EBF3: variants seen among roughly 807,000 people sequenced by gnomAD.
The protein encoded by EBF3 is EBF transcription factor 3.
In EBF3, 18 loss-of-function variants were observed where a neutral mutation model predicts 77.1. The observed-to-expected ratio is 0.23, with a 90% CI of 0.16 to 0.35. The LOEUF (loss-of-function observed/expected upper bound fraction) is 0.35. Ranked by LOEUF, EBF3 falls within the 10% of genes least tolerant of loss-of-function variation. EBF3 has a pLI of 1.00. For missense variants in EBF3, 558 were observed against 860.0 expected, an observed-to-expected ratio of 0.65 and a Z score of 4.39; for synonymous variants, 350 against 343.5, an observed-to-expected ratio of 1.02 and a Z score of -0.21.
chr10:129,876,638 T>G (rs1426820486), intron 7 of EBF3, among the ~76,000 whole-genome samples: 1 of 152,234 alleles, frequency 6.6e-6, no homozygotes. Context: ...ATGGAAAAAC[T>G]GGGTAAATCC....
At position 129,842,002 on chromosome 10, in the gene EBF3, C is replaced by T. The variant is rs995404584; in HGVS notation, c.1372+114G>A. ...AAGGAACCAGCAGAGCCAGAGAGAA[C>T]AGAACGCTACGGACATTCCCCAGCT... On this transcript the variant is annotated intron_variant, in intron 13 of 16. Coordinates refer to ENST00000440978, the MANE Select transcript of EBF3 (RefSeq NM_001375380.1). The surrounding 1 kb of genome is among the most constrained non-coding windows in gnomAD (Gnocchi z 4.4). The T allele has an allele frequency of 3.6e-6, 5 of 1,377,810 alleles. No individual in the cohort carries two copies. Among genetic ancestry groups the T allele is most frequent in the Admixed American group, 2.1e-5 (1 of 48,532 alleles). The allele number at this position is 1,377,810 out of a possible 1,614,324, so 85.3% of individuals were successfully genotyped here.
At chr10:129,838,233 C>T (rs1267401222) in intron 16 of EBF3, among the ~76,000 whole-genome samples, 1 of 152,256 alleles carries the variant, frequency 6.6e-6, no homozygotes, top group South Asian at 2.1e-4. Flanking sequence ...GGGAAGGGCT[C>T]CTGGCACTGC....
At chr10:129,915,146 G>A (rs1409617630) in intron 6 of EBF3, among the ~76,000 whole-genome samples, 1 of 152,154 alleles carries the variant, frequency 6.6e-6, no homozygotes, top group East Asian at 1.9e-4. Context: ...AGGGATGAGG[G>A]AGAAGAAACT....
rs963178142 is a variant in EBF3 at position 129,963,210 on chromosome 10, GC to G, written c.291+156del. 2 of 1,209,462 alleles carry G rather than the reference GC, an allele frequency of 1.7e-6. No individual in the cohort carries two copies. The highest frequency in any genetic ancestry group is 3.2e-5 in the African/African-American group (2 of 62,306). The allele number at this position is 1,209,462 out of a possible 1,614,324, so 74.9% of individuals were successfully genotyped here. ...TCCGAGGGCGCAGAGAAGTTGCCCAGCCCTCGGCGGTCCCGGGCGGCCGCAC... is the reference window on the plus strand; with the variant it reads ...TCCGAGGGCGCAGAGAAGTTGCCCAGCCTCGGCGGTCCCGGGCGGCCGCAC... On this transcript the variant is annotated intron_variant, in intron 2 of 16. Transcript: ENST00000440978. This position sits in a 1 kb window ranked among gnomAD's most constrained non-coding sequence, Gnocchi z 7.1.
intron 6 of EBF3, among the ~76,000 whole-genome samples, chr10:129,889,514 C>G (rs1489883204): frequency 6.6e-6 from 1 of 152,188 alleles, no homozygotes; most frequent in Non-Finnish European, 1.5e-5. Context: ...TTCCATCATC[C>G]ACCTGCTCCC....
At chr10:129,894,987 A>AT (rs1854268896) in intron 6 of EBF3, among the ~76,000 whole-genome samples, 1 of 152,222 alleles carries the variant, frequency 6.6e-6, no homozygotes, top group African/African-American at 2.4e-5. Context: ...GGGGCAAGGC[A>AT]GTGCTCATGG....
intron 3 of EBF3, 152 bp downstream of exon 3, chr10:129,962,790 T>G (rs1449528398): frequency 4.6e-6 from 4 of 865,718 alleles, no homozygotes; most frequent in Admixed American, 2.7e-5. Flanking sequence ...ATCGACTTAT[T>G]GATCGTTTAT....
intron 10 of EBF3, among the ~76,000 whole-genome samples, chr10:129,859,217 T>A (rs1851452297): frequency 6.6e-6 from 1 of 152,200 alleles, no homozygotes; most frequent in African/African-American, 2.4e-5. Flanking sequence ...GTTTTACTCA[T>A]TTTGCTTTTT....
Position 129,837,820 on chromosome 10 carries a change from C to G in EBF3, c.*123G>C. The stretch of plus-strand genomic sequence containing the variant: ...GTCTTTTGTAGCATTTCAATTGCTG[C>G]TGATTTTTTTGAAGATACTGTTTCC... On this transcript the variant is annotated 3_prime_UTR_variant, in exon 17 of 17. Coordinates refer to ENST00000440978, the MANE Select transcript of EBF3 (RefSeq NM_001375380.1). The G allele has an allele frequency of 1.5e-6, 2 of 1,325,820 alleles. No individual in the cohort carries two copies. The highest frequency in any genetic ancestry group is 2.4e-5 in the East Asian group (1 of 41,920). The allele number at this position is 1,325,820 out of a possible 1,614,324, so 82.1% of individuals were successfully genotyped here.
At position 129,840,868 on chromosome 10, in the gene EBF3, A is replaced by G. The variant is rs1849987434; in HGVS notation, c.1537T>C (p.Ser513Pro). Residue 513 changes from serine to proline, a missense_variant, in exon 14 of 17, where the codon TCC (serine) becomes CCC (proline). Around this residue, in one of 5 missense-constraint regions of EBF3, gnomAD observed 284 missense variants for 368.3 expected, o/e 0.77. Transcript: ENST00000440978. ...CTGCCGTAGGGAGAGTTAGCGGAGG[A>G]GCCATTAAGAAATCCAGGCGAGCCA... ...VPGSPGFLNG[S>P]SANSPYGIVP... 1.2e-6 allele frequency: 2 copies of G among 1,613,694 alleles called. No homozygotes were observed. Among genetic ancestry groups the G allele is most frequent in the Non-Finnish European group, 8.5e-7 (1 of 1,179,806 alleles).
At chr10:129,880,380 C>T (rs933144123) in intron 6 of EBF3, among the ~76,000 whole-genome samples, 9 of 152,078 alleles carry the variant, frequency 5.9e-5, no homozygotes, top group African/African-American at 2.2e-4. Flanking sequence ...CCCACACTTG[C>T]ATACACACAC....
At position 129,861,676 on chromosome 10, in the gene EBF3, G is replaced by A. The variant is rs539271251; in HGVS notation, c.1039+5465C>T. ...CAGACAGGAACGAACAGTCAGCCAC[G>A]GGGGGCCCCTGGCCACACCACGGGA... On this transcript the variant is annotated intron_variant, in intron 10 of 16. Transcript: ENST00000440978. This position sits in a 1 kb window ranked among gnomAD's most constrained non-coding sequence, Gnocchi z 4.3. Among the ~76,000 whole-genome samples, 53 of 152,242 alleles carry A rather than the reference G, an allele frequency of 3.5e-4. No individual in the cohort carries two copies. Among genetic ancestry groups the A allele is most frequent in the Admixed American group, 1.6e-3 (25 of 15,296 alleles).
At chr10:129,839,412 C>T (rs574094263) in intron 15 of EBF3, among the ~76,000 whole-genome samples, 3 of 152,328 alleles carry the variant, frequency 2.0e-5, no homozygotes, top group South Asian at 2.1e-4. Context: ...TGGCTCTGCC[C>T]GTCACACACA....
chr10:129,893,198 G>A (rs1186106038), intron 6 of EBF3, among the ~76,000 whole-genome samples: 2 of 152,182 alleles, frequency 1.3e-5, no homozygotes, highest in East Asian at 3.8e-4. Context: ...GATGTTTAGA[G>A]TTTGGGGTAA....
In EBF3 at chr10:129,943,061, C is replaced by G. The variant is rs990628098; in HGVS notation, c.554+14197G>C. On this transcript the variant is annotated intron_variant, in intron 6 of 16. Transcript: ENST00000440978. This position sits in a 1 kb window ranked among gnomAD's most constrained non-coding sequence, Gnocchi z 8.8. ...AGCAGATACAACCGATTCCTGTCCT[C>G]CATTCTAAACCACTTTGCCTGCACG... is the stretch of plus-strand genomic sequence containing the variant. 3.9e-5 allele frequency among the ~76,000 whole-genome samples: 6 copies of G among 152,204 alleles called. No individual in the cohort carries two copies. The highest frequency in any genetic ancestry group is 1.4e-4 in the African/African-American group (6 of 41,448).
At chr10:129,916,197 G>T (rs1429175654) in intron 6 of EBF3, among the ~76,000 whole-genome samples, 1 of 152,188 alleles carries the variant, frequency 6.6e-6, no homozygotes. Context: ...GAGCCTGGGG[G>T]AGAGACGGGC....
At chr10:129,840,209 A>AC in intron 15 of EBF3, 36 bp downstream of exon 15, 5 of 1,149,096 alleles carry the variant, frequency 4.4e-6, no homozygotes, top group Non-Finnish European at 6.2e-6. Context: ...CCTGGAGAGG[A>AC]CCCAGCACTG....
At position 129,841,088 on chromosome 10, in the gene EBF3, G is replaced by C; in HGVS notation, c.1373-56C>G. ...ACATTATTATCAGCGACAGACACTT[G>C]GGGGGGGTTCCCCGAGAATCTATAT... On this transcript the variant is annotated intron_variant, in intron 13 of 16. Transcript: ENST00000440978. This position sits in a 1 kb window ranked among gnomAD's most constrained non-coding sequence, Gnocchi z 4.6. 3 of 1,555,386 alleles carry C rather than the reference G, an allele frequency of 1.9e-6. No homozygotes were observed. Among genetic ancestry groups the C allele is most frequent in the Non-Finnish European group, 1.7e-6 (2 of 1,145,010 alleles).
chr10:129,859,044 C>G (rs778434511), intron 10 of EBF3, among the ~76,000 whole-genome samples: 1 of 152,186 alleles, frequency 6.6e-6, no homozygotes, highest in Non-Finnish European at 1.5e-5. Context: ...TCTGCACGCA[C>G]TTAGGTTCCT....
Sources: allele counts gnomAD v4.1 joint callset (sites outside exome capture counted in the v4.1 genomes callset), GRCh38; gene constraint gnomAD v4.1.1; regional missense constraint gnomAD v4.1.1; non-coding constraint Gnocchi (gnomAD v3.1); transcripts MANE v1.5; gene names NCBI Gene and HGNC (gene_info 2026-07-23, HGNC 2026-07-21).